ZNF385D: variants seen among roughly 807,000 people sequenced by gnomAD.
ZNF385D encodes the protein zinc finger protein 659.
In ZNF385D, 15 loss-of-function variants were observed where a neutral mutation model predicts 35.8. The observed-to-expected ratio is 0.42, with a 90% CI of 0.28 to 0.64. ZNF385D has a LOEUF of 0.64. Ranked by LOEUF, ZNF385D falls within the 30% of genes least tolerant of loss-of-function variation. ZNF385D has a pLI of 0.23. For synonymous variants in ZNF385D, 212 were observed against 186.8 expected, an observed-to-expected ratio of 1.13 and a Z score of -1.10; for missense variants, 474 against 494.6, an observed-to-expected ratio of 0.96 and a Z score of 0.39.
chr3:22,230,238 C>A (rs146326608), intron 2 of ZNF385D, among the ~76,000 whole-genome samples: 1 of 152,162 alleles, frequency 6.6e-6, no homozygotes, highest in Non-Finnish European at 1.5e-5. Flanking sequence ...ACCAACAGAA[C>A]TGACCTAAAC....
intron 3 of ZNF385D, among the ~76,000 whole-genome samples, chr3:22,131,186 G>A (rs1378684405): frequency 6.6e-6 from 1 of 152,140 alleles, no homozygotes; most frequent in Non-Finnish European, 1.5e-5. Flanking sequence ...TTAGAAGTCA[G>A]GGTGGGCAAT....
At chr3:21,935,470 GT>G (rs948657838) in intron 3 of ZNF385D, among the ~76,000 whole-genome samples, 2 of 152,154 alleles carry the variant, frequency 1.3e-5, no homozygotes, top group Admixed American at 6.6e-5. Flanking sequence ...AAACTGGCAA[GT>G]GGGTTTGAAC....
chr3:22,043,622 T>C (rs1396220514), intron 3 of ZNF385D, among the ~76,000 whole-genome samples: 1 of 121,052 alleles, frequency 8.3e-6, no homozygotes, highest in African/African-American at 3.0e-5. Context: ...TGCCTTCTCT[T>C]CTAGCAGAGG....
At chr3:22,005,467 T>C (rs573497770) in intron 3 of ZNF385D, among the ~76,000 whole-genome samples, 78 of 152,220 alleles carry the variant, frequency 5.1e-4, no homozygotes, top group Middle Eastern at 3.4e-3. Flanking sequence ...ATATATTATA[T>C]ATTTTTAAAT....
chr3:22,360,271 C>A (rs1696353747), intron 2 of ZNF385D, among the ~76,000 whole-genome samples: 1 of 151,844 alleles, frequency 6.6e-6, no homozygotes, highest in African/African-American at 2.4e-5. Flanking sequence ...TCTTTTAGGC[C>A]AAACTACTTT....
intron 2 of ZNF385D, among the ~76,000 whole-genome samples, chr3:21,650,053 A>G (rs2065866433): frequency 6.6e-6 from 1 of 152,206 alleles, no homozygotes; most frequent in Non-Finnish European, 1.5e-5. Context: ...TATAGAAAAA[A>G]AAAATTACAA....
At chr3:22,319,654 A>T (rs1209902390) in intron 2 of ZNF385D, among the ~76,000 whole-genome samples, 3 of 152,124 alleles carry the variant, frequency 2.0e-5, no homozygotes, top group Non-Finnish European at 4.4e-5. Flanking sequence ...ACACTGACTC[A>T]CAATCTCCTC....
At chr3:22,195,148 T>C (rs1696324605) in intron 2 of ZNF385D, among the ~76,000 whole-genome samples, 1 of 151,936 alleles carries the variant, frequency 6.6e-6, no homozygotes, top group East Asian at 1.9e-4. Context: ...TAAGTACTTT[T>C]TAAAGTTTTA....
At chr3:22,207,778 A>G (rs1275394761) in intron 2 of ZNF385D, among the ~76,000 whole-genome samples, 1 of 152,056 alleles carries the variant, frequency 6.6e-6, no homozygotes, top group African/African-American at 2.4e-5. Context: ...AAAATGGGCA[A>G]AAGATGTGAA....
intron 2 of ZNF385D, among the ~76,000 whole-genome samples, chr3:21,648,687 A>C (rs1243162083): frequency 1.3e-5 from 2 of 152,162 alleles, no homozygotes; most frequent in Non-Finnish European, 2.9e-5. Flanking sequence ...GGAATTCATC[A>C]AATTTGAAGA....
At chr3:21,425,968 C>G (rs971926760) in intron 5 of ZNF385D, among the ~76,000 whole-genome samples, 3 of 152,078 alleles carry the variant, frequency 2.0e-5, no homozygotes, top group African/African-American at 7.2e-5. Flanking sequence ...AGTAACTAAA[C>G]TTTAGAGTCC....
chr3:21,515,275 G>A (rs1217714356), intron 3 of ZNF385D, among the ~76,000 whole-genome samples: 1 of 152,034 alleles, frequency 6.6e-6, no homozygotes, highest in East Asian at 1.9e-4. Flanking sequence ...TTACTTTTTA[G>A]TATTTCTTTT....
chr3:21,827,979 T>C (rs1024134455), intron 3 of ZNF385D, among the ~76,000 whole-genome samples: 3 of 152,182 alleles, frequency 2.0e-5, no homozygotes, highest in African/African-American at 7.2e-5. Flanking sequence ...TATGAGTCAG[T>C]TGTGTTGGAT....
chr3:21,911,525 G>A (rs993952024), intron 3 of ZNF385D, among the ~76,000 whole-genome samples: 1 of 151,836 alleles, frequency 6.6e-6, no homozygotes, highest in Admixed American at 6.6e-5. Context: ...CATATTCCTA[G>A]TATTTCACCT....
chr3:22,300,825 G>A (rs1265236739), intron 2 of ZNF385D, among the ~76,000 whole-genome samples: 1 of 151,922 alleles, frequency 6.6e-6, no homozygotes, highest in African/African-American at 2.4e-5. Context: ...GAATCCATGT[G>A]CAATTTTGAT....
intron 3 of ZNF385D, among the ~76,000 whole-genome samples, chr3:22,142,624 T>C (rs1329740199): frequency 6.6e-6 from 1 of 152,156 alleles, no homozygotes; most frequent in Non-Finnish European, 1.5e-5. Flanking sequence ...ATTGTGTTAA[T>C]GGTATAGACT....
At chr3:22,323,819 T>A (rs1217417991) in intron 2 of ZNF385D, among the ~76,000 whole-genome samples, 1 of 152,170 alleles carries the variant, frequency 6.6e-6, no homozygotes, top group Non-Finnish European at 1.5e-5. Context: ...ACTATTCATA[T>A]TTACATGTAA....
intron 2 of ZNF385D, among the ~76,000 whole-genome samples, chr3:22,205,259 T>C (rs1307303911): frequency 6.6e-6 from 1 of 152,014 alleles, no homozygotes; most frequent in African/African-American, 2.4e-5. Flanking sequence ...TAGAATAGTA[T>C]ATTTAGTGAA....
intron 3 of ZNF385D, among the ~76,000 whole-genome samples, chr3:21,890,744 T>G (rs259529): frequency 0.15 from 22,241 of 152,092 alleles, 1,880 homozygotes; most frequent in Middle Eastern, 0.18. Context: ...GCAGCTCAAG[T>G]ATTCAAGAGA....
Sources: gnomAD v4.1 joint callset for allele counts (sites outside exome capture counted in the v4.1 genomes callset) on GRCh38, gnomAD v4.1.1 for gene constraint, MANE v1.5 for transcripts, NCBI Gene and HGNC (gene_info 2026-07-23, HGNC 2026-07-21) for gene names.